ANKFN1: variants seen among roughly 807,000 people sequenced by gnomAD.
ANKFN1 encodes ankyrin repeat and fibronectin type-III domain-containing protein 1.
A neutral mutation model predicts 108.7 loss-of-function variants in ANKFN1; 74 were observed. That is an observed-to-expected ratio of 0.68 (90% CI 0.56 to 0.83). The LOEUF (loss-of-function observed/expected upper bound fraction) is 0.83, where lower values mean the gene tolerates loss of function less well. Ranked by LOEUF, ANKFN1 falls within the 40% of genes least tolerant of loss-of-function variation. The pLI, the probability that ANKFN1 is intolerant of heterozygous loss-of-function variation, is 0.00. For synonymous variants in ANKFN1, 547 were observed against 516.2 expected (o/e 1.06, Z -0.81); for missense variants, 1,505 against 1,382.3 (o/e 1.09, Z -1.41).
rs150920824 is a variant in ANKFN1, at chr17:56,159,591, T to A, written c.-71+6061T>A. Among the ~76,000 whole-genome samples, 868 of 152,352 alleles carry A rather than the reference T, an allele frequency of 5.7e-3. 4 individuals are homozygous for A. The highest frequency in any genetic ancestry group is 9.5e-3 in the Non-Finnish European group (648 of 68,034). On this transcript the variant is annotated intron_variant, in intron 1 of 20. Coordinates refer to ENST00000682825, the MANE Select transcript of ANKFN1 (RefSeq NM_001370326.1). ...ATAACTGCTAAGTGTTTTTATGCAA[T>A]GTGATTAAAGCTAGTAGTACCTGAC...
intron 18 of ANKFN1, among the ~76,000 whole-genome samples, chr17:56,484,795 G>GT (rs2050807593): frequency 6.6e-6 from 1 of 152,202 alleles, no homozygotes; most frequent in Non-Finnish European, 1.5e-5. Flanking sequence ...TCCATTCTGT[G>GT]TTAAACAGTC....
chr17:56,378,368 C>T (rs1203967226), intron 8 of ANKFN1, among the ~76,000 whole-genome samples: 1 of 152,118 alleles, frequency 6.6e-6, no homozygotes, highest in African/African-American at 2.4e-5. Context: ...ATCTTTTCTA[C>T]AAGAATGGAG....
At chr17:56,179,607 T>C (rs1325234005) in intron 1 of ANKFN1, among the ~76,000 whole-genome samples, 1 of 152,224 alleles carries the variant, frequency 6.6e-6, no homozygotes, top group African/African-American at 2.4e-5. Context: ...AGGAGCTGAA[T>C]GTTAGGAAGA....
intron 1 of ANKFN1, among the ~76,000 whole-genome samples, chr17:56,158,022 A>T (rs1277027676): frequency 6.6e-6 from 1 of 152,196 alleles, no homozygotes; most frequent in African/African-American, 2.4e-5. Flanking sequence ...GCTTTCAGGA[A>T]TGCTAAATAA....
intron 3 of ANKFN1, among the ~76,000 whole-genome samples, chr17:56,299,337 C>A (rs946678861): frequency 6.6e-5 from 10 of 152,118 alleles, no homozygotes; most frequent in African/African-American, 2.2e-4. Flanking sequence ...CTCTCCCCCA[C>A]CCTTGGATAG....
At chr17:56,140,209 G>T (rs1907837991) in intron 4 of ANKFN1, among the ~76,000 whole-genome samples, 2 of 152,092 alleles carry the variant, frequency 1.3e-5, no homozygotes, top group Admixed American at 1.3e-4. Context: ...TTGAGAGAAG[G>T]CACTGACTTT....
In ANKFN1 at chr17:56,143,700, A is replaced by G. The variant is rs537767731; in HGVS notation, c.289-84217A>G. ...GGTCATCCTGGGTTTAGCATGGGCT[A>G]TAAATCCAGTGATGCGTCCTTATAA... On this transcript the variant is annotated intron_variant, in intron 4 of 12. Transcript: ENST00000635860. 8.5e-5 allele frequency among the ~76,000 whole-genome samples: 13 copies of G among 152,358 alleles called. No individual in the cohort carries two copies. The South Asian group carries it at 2.7e-3, about 32-fold the overall frequency.
At chr17:56,407,425 C>T (rs1302578361) in intron 8 of ANKFN1, among the ~76,000 whole-genome samples, 1 of 152,122 alleles carries the variant, frequency 6.6e-6, no homozygotes, top group African/African-American at 2.4e-5. Flanking sequence ...AATTCAGGTT[C>T]AGAAAAATTA....
At position 56,510,378 on chromosome 17, in the gene ANKFN1, T is replaced by C. The variant is rs1040481571; in HGVS notation, c.2645-95T>C. 3.7e-6 allele frequency: 4 copies of C among 1,067,054 alleles called. No individual in the cohort carries two copies. The African/African-American group carries it at 4.8e-5, about 13-fold the overall frequency. The allele number at this position is 1,067,054 out of a possible 1,614,324, so 66.1% of individuals were successfully genotyped here. On this transcript the variant is annotated intron_variant, in intron 20 of 20. Coordinates refer to ENST00000682825, the MANE Select transcript of ANKFN1 (RefSeq NM_001370326.1). ...GGGCATTAAACGAAGCACAGGCCCC[T>C]TCTAAGTGCGGGGTCAAATGCACTG...
intron 4 of ANKFN1, among the ~76,000 whole-genome samples, chr17:56,055,056 CT>C (rs753314197): frequency 2.9e-3 from 410 of 143,704 alleles, no homozygotes; most frequent in Middle Eastern, 7.6e-3. Flanking sequence ...TGGCAATTTC[CT>C]TTTTTTTTTT....
chr17:56,345,804 GC>G (rs1260924644), intron 4 of ANKFN1, among the ~76,000 whole-genome samples: 6 of 152,038 alleles, frequency 3.9e-5, no homozygotes, highest in Non-Finnish European at 8.8e-5. Flanking sequence ...TGTCAGAGGG[GC>G]AGATTGCAAA....
intron 3 of ANKFN1, among the ~76,000 whole-genome samples, chr17:56,268,242 C>T (rs920142224): frequency 1.6e-4 from 25 of 152,052 alleles, no homozygotes; most frequent in African/African-American, 2.4e-4. Context: ...TCTCTTGGAC[C>T]GCAGCACAAT....
At chr17:56,200,158 A>T (rs1055480911) in intron 1 of ANKFN1, among the ~76,000 whole-genome samples, 3 of 152,224 alleles carry the variant, frequency 2.0e-5, no homozygotes, top group Non-Finnish European at 4.4e-5. Context: ...AAGTAGAGGA[A>T]CAAACAGGTG....
At chr17:56,210,900 G>A (rs1370382161) in intron 1 of ANKFN1, among the ~76,000 whole-genome samples, 2 of 152,118 alleles carry the variant, frequency 1.3e-5, no homozygotes, top group Non-Finnish European at 2.9e-5. Context: ...CTCCCATCGG[G>A]TCCCTCCTAT....
chr17:56,074,107 G>A (rs1023376093), intron 4 of ANKFN1, among the ~76,000 whole-genome samples: 4 of 152,176 alleles, frequency 2.6e-5, no homozygotes, highest in African/African-American at 9.7e-5. Context: ...TGAACCCTGG[G>A]AAATCACTTG....
At chr17:56,063,541 G>A (rs1285421304) in intron 4 of ANKFN1, among the ~76,000 whole-genome samples, 2 of 150,584 alleles carry the variant, frequency 1.3e-5, no homozygotes, top group Admixed American at 6.6e-5. Context: ...TGGTCGATTT[G>A]GCTATTGATA....
rs115564629 is a variant in ANKFN1, at chr17:56,476,011, C to A, written c.1774-1477C>A. Among the ~76,000 whole-genome samples, 2 of 152,118 alleles carry A rather than the reference C, an allele frequency of 1.3e-5. 1 individual carries two copies. Among genetic ancestry groups the A allele is most frequent in the South Asian group, 4.1e-4 (2 of 4,828 alleles). ...GCAGAAAGTGAAGGGGAAGCAAACA[C>A]GTCTTACCATGGCAGAGCGGGAGAA... On this transcript the variant is annotated intron_variant, in intron 15 of 20. Coordinates refer to ENST00000682825, the MANE Select transcript of ANKFN1 (RefSeq NM_001370326.1).
At chr17:56,093,320 TA>T (rs1905454791) in intron 4 of ANKFN1, among the ~76,000 whole-genome samples, 1 of 151,212 alleles carries the variant, frequency 6.6e-6, no homozygotes, top group Non-Finnish European at 1.5e-5. Flanking sequence ...TACTTGGGCT[TA>T]AAACCTAGCT....
intron 10 of ANKFN1, among the ~76,000 whole-genome samples, chr17:56,443,894 T>C (rs1439693904): frequency 6.6e-6 from 1 of 152,234 alleles, no homozygotes; most frequent in Non-Finnish European, 1.5e-5. Flanking sequence ...AAAAGTGATA[T>C]CATATGTTTC....
Sources: gnomAD v4.1 joint callset for allele counts (sites outside exome capture counted in the v4.1 genomes callset) on GRCh38, gnomAD v4.1.1 for gene constraint, MANE v1.5 for transcripts, NCBI Gene and HGNC (gene_info 2026-07-23, HGNC 2026-07-21) for gene names.